The following DPP8 variants were observed in gnomAD, a reference collection of about 807,000 sequenced individuals.
The protein encoded by DPP8 is dipeptidyl peptidase 8, also known as DPP VIII.
A neutral mutation model predicts 107.5 loss-of-function variants in DPP8; 31 were observed. That is an observed-to-expected ratio of 0.29 (90% CI 0.22 to 0.39). The LOEUF is 0.39. DPP8 is among the 10% of genes least tolerant of loss of function. The pLI is 1.00. For synonymous variants in DPP8, 381 were observed against 356.6 expected, an observed-to-expected ratio of 1.07 and a Z score of -0.77; for missense variants, 842 against 1,076.1, an observed-to-expected ratio of 0.78 and a Z score of 3.04.
chr15:65,468,191 C>G (rs2065526988), intron 12 of DPP8, among the ~76,000 whole-genome samples: 1 of 152,110 alleles, frequency 6.6e-6, no homozygotes, highest in African/African-American at 2.4e-5. Flanking sequence ...TACCAGCCAA[C>G]TCAAACAATG....
intron 2 of DPP8, 34 bp downstream of exon 2, chr15:65,512,261 C>A (rs758002098): frequency 1.3e-6 from 2 of 1,569,694 alleles, no homozygotes; most frequent in South Asian, 2.3e-5. Context: ...CTTAAGAGAT[C>A]ATTTTCTCTC....
At chr15:65,455,354 G>A (rs2064325840) in intron 16 of DPP8, 1 of 161,324 alleles carries the variant, frequency 6.2e-6, no homozygotes, top group Non-Finnish European at 1.4e-5. Context: ...GGTTGGTCTT[G>A]AACTCCTGGG....
At chr15:65,466,869 G>T (rs748946642) in intron 13 of DPP8, 56 bp from the exon 14 acceptor site, 1 of 1,553,490 alleles carries the variant, frequency 6.4e-7, no homozygotes, top group African/African-American at 1.4e-5. Context: ...AAGGTTATCT[G>T]CTGTTACATC....
chr15:65,475,557 C>G (rs944947335), intron 11 of DPP8: 20 of 1,271,594 alleles, frequency 1.6e-5, no homozygotes, highest in Non-Finnish European at 2.2e-5. Flanking sequence ...TCCCCAGGCA[C>G]TGAATTAGGA....
intron 1 of DPP8, among the ~76,000 whole-genome samples, chr15:65,513,036 G>A (rs537244459): frequency 2.6e-5 from 4 of 152,176 alleles, no homozygotes; most frequent in African/African-American, 9.7e-5. Flanking sequence ...CAACAAATGA[G>A]AACGGTAATA....
rs936841532 is a variant in DPP8 at position 65,446,829 on chromosome 15, C to T, written c.*55G>A. On this transcript the variant is annotated 3_prime_UTR_variant, in exon 20 of 20. Coordinates refer to ENST00000300141, the MANE Select transcript of DPP8 (RefSeq NM_130434.5). ...ATTCTGTGTTTTCTGTTGATTAAACCTCCTCATTTGGTTAAATAGCCAGTG... is the reference window on the plus strand; with the variant it reads ...ATTCTGTGTTTTCTGTTGATTAAACTTCCTCATTTGGTTAAATAGCCAGTG... The T allele has an allele frequency of 2.6e-6, 4 of 1,509,558 alleles. No homozygotes were observed. Among genetic ancestry groups the T allele is most frequent in the South Asian group, 2.6e-5 (2 of 77,106 alleles). The allele number at this position is 1,509,558 out of a possible 1,614,324, so 93.5% of individuals were successfully genotyped here.
rs766716862 is a variant in DPP8 at position 65,467,247 on chromosome 15, A to AAATCAGGGCTAACATG, written c.1537-40_1537-25dup. On this transcript the variant is annotated intron_variant, in intron 12 of 19. Transcript: ENST00000300141. ...ATCTGACAAGATAACAACAATAACA[A>AAATCAGGGCTAACATG]AATCAGGGCTAACATGACCTTGGCA... 5 of 1,613,100 alleles carry AAATCAGGGCTAACATG rather than the reference A, an allele frequency of 3.1e-6. No homozygotes were observed. The East Asian group carries it at 1.1e-4, about 36-fold the overall frequency.
At chr15:65,478,204 G>A (rs570919629) in intron 11 of DPP8, among the ~76,000 whole-genome samples, 1 of 152,242 alleles carries the variant, frequency 6.6e-6, no homozygotes, top group Non-Finnish European at 1.5e-5. Context: ...GATAGTATAA[G>A]AAACATCTAG....
chr15:65,450,556 G>A (rs1175420283), intron 19 of DPP8, among the ~76,000 whole-genome samples: 2 of 152,154 alleles, frequency 1.3e-5, no homozygotes, highest in East Asian at 1.9e-4. Flanking sequence ...ATGAATAATG[G>A]AGCAATGGAG....
chr15:65,472,361 T>TA (rs2065964349), intron 12 of DPP8, among the ~76,000 whole-genome samples: 1 of 152,158 alleles, frequency 6.6e-6, no homozygotes, highest in Non-Finnish European at 1.5e-5. Flanking sequence ...GATGTGATCA[T>TA]AATTCATTTG....
chr15:65,494,143 T>C (rs1003949129), intron 5 of DPP8, among the ~76,000 whole-genome samples: 2 of 88,264 alleles, frequency 2.3e-5, no homozygotes, highest in South Asian at 4.4e-4. Context: ...AAACCGGTTC[T>C]ATATCCTTTT....
chr15:65,448,762 G>GAAATATACATATATATCTA lies in DPP8; in HGVS notation c.2527-1775_2527-1757dup, dbSNP rs1567124539. The stretch of plus-strand genomic sequence containing the variant: ...ATATCTAAAATATACATATATATCT[G>GAAATATACATATATATCTA]AAATATACATATATATCTAAAATAT... On this transcript the variant is annotated intron_variant, in intron 19 of 19. Coordinates refer to ENST00000300141, the MANE Select transcript of DPP8 (RefSeq NM_130434.5). 4.3e-4 allele frequency among the ~76,000 whole-genome samples: 45 copies of GAAATATACATATATATCTA among 104,166 alleles called. No individual in the cohort carries two copies. In the South Asian group the frequency reaches 0.012, roughly 28 times the overall value. The allele number at this position is 104,166 out of a possible 152,430, so 68.3% of individuals were successfully genotyped here. A position where few individuals can be genotyped will look rare whatever the true frequency, so the allele number is the denominator to read the frequency against.
intron 17 of DPP8, 132 bp downstream of exon 17, chr15:65,454,130 TC>T: frequency 1.7e-6 from 1 of 593,382 alleles, no homozygotes; most frequent in African/African-American, 2.3e-5. Context: ...GAGCAAGACT[TC>T]GTCTCAAAAA....
rs2071624471 is a variant in DPP8 at position 65,517,638 on chromosome 15, AAGC to A, written c.-167_-165del. 1 of 152,558 alleles carries A rather than the reference AAGC, an allele frequency of 6.6e-6. No individual in the cohort carries two copies. The highest frequency in any genetic ancestry group is 1.5e-5 in the Non-Finnish European group (1 of 68,294). The allele number at this position is 152,558 out of a possible 1,614,324, so 9.5% of individuals were successfully genotyped here. On this transcript the variant is annotated 5_prime_UTR_variant, in exon 1 of 20. Transcript: ENST00000300141. The stretch of plus-strand genomic sequence containing the variant: ...CCCAGGCGGCGAACGCGGCACTAAG[AAGC>A]AGCGGCGGCAGTAGCAGCGGCCTTG...
rs925431753 is a variant in DPP8, at chr15:65,517,499, C to T, written c.-25G>A. 1 of 152,510 alleles carries T rather than the reference C, an allele frequency of 6.6e-6. No individual in the cohort carries two copies. The highest frequency in any genetic ancestry group is 1.5e-5 in the Non-Finnish European group (1 of 68,258). The allele number at this position is 152,510 out of a possible 1,614,324, so 9.4% of individuals were successfully genotyped here. On this transcript the variant is annotated 5_prime_UTR_variant, in exon 1 of 20. Coordinates refer to ENST00000300141, the MANE Select transcript of DPP8 (RefSeq NM_130434.5). ...CGGATACTGCACCTTCCCCCCGGCC[C>T]CGCCCGGACCGTCCCGACGTGCGCT...
At chr15:65,487,536 T>C (rs1001482332) in intron 7 of DPP8, among the ~76,000 whole-genome samples, 154 bp downstream of exon 7, 1 of 152,232 alleles carries the variant, frequency 6.6e-6, no homozygotes, top group Non-Finnish European at 1.5e-5. Context: ...CACCCTTTAA[T>C]TCAAAATCTA....
Position 65,479,057 on chromosome 15 carries a change from A to G in DPP8, c.1297-18T>C, listed in dbSNP as rs1215696846. On this transcript the variant is annotated intron_variant, in intron 10 of 19. Transcript: ENST00000300141. ...TCATGGATCTGTAAAATGAATAGCT[A>G]AATTTACTATACATATTATGAAAAT... The G allele has an allele frequency of 1.3e-6, 2 of 1,515,274 alleles. No homozygotes were observed. The highest frequency in any genetic ancestry group is 1.4e-5 in the African/African-American group (1 of 70,584). The allele number at this position is 1,515,274 out of a possible 1,614,324, so 93.9% of individuals were successfully genotyped here. A position where few individuals can be genotyped will look rare whatever the true frequency, so the allele number is the denominator to read the frequency against.
intron 5 of DPP8, among the ~76,000 whole-genome samples, chr15:65,494,646 GAAA>G (rs5813355): frequency 1.7e-5 from 2 of 114,352 alleles, no homozygotes; most frequent in African/African-American, 6.8e-5. Flanking sequence ...CAAAAAAATT[GAAA>G]AAAAAAAAAA....
At chr15:65,487,253 AATT>A (rs1311316826) in intron 7 of DPP8, among the ~76,000 whole-genome samples, 2 of 151,940 alleles carry the variant, frequency 1.3e-5, no homozygotes, top group African/African-American at 2.4e-5. Flanking sequence ...GGGTTCAAGC[AATT>A]ATCCTGCGTC....
Sources: gnomAD v4.1 joint callset for allele counts (sites outside exome capture counted in the v4.1 genomes callset) on GRCh38, gnomAD v4.1.1 for gene constraint, MANE v1.5 for transcripts, NCBI Gene and HGNC (gene_info 2026-07-23, HGNC 2026-07-21) for gene names.